The following OAS2 variants were observed in gnomAD, a reference collection of about 807,000 sequenced individuals.
OAS2 encodes the protein 2'-5'-oligoadenylate synthase 2.
OAS2 carries 67 observed loss-of-function variants against 71.3 expected under a neutral mutation model. The ratio of observed to expected loss-of-function variants is 0.94; its 90% confidence interval spans 0.77 to 1.15. The LOEUF is 1.15. Ranked by LOEUF, OAS2 falls within the 50% of genes most tolerant of loss-of-function variation. The probability of loss-of-function intolerance (pLI) is 0.00; values close to 1 mark genes in which losing one functional copy is unlikely to be tolerated. For missense variants in OAS2, 789 were observed against 822.5 expected, an observed-to-expected ratio of 0.96 and a Z score of 0.50; for synonymous variants, 327 against 321.8, an observed-to-expected ratio of 1.02 and a Z score of -0.17.
chr12:112,979,710 C>T (rs1325954147), intron 1 of OAS2, among the ~76,000 whole-genome samples: 1 of 152,136 alleles, frequency 6.6e-6, no homozygotes, highest in Non-Finnish European at 1.5e-5. Context: ...CTGTGTAACC[C>T]CCACCCAGAT....
Position 113,009,459 on chromosome 12 carries a change from C to T in OAS2, c.*204C>T, listed in dbSNP as rs1394288987. 7.4e-7 allele frequency: 1 copy of T among 1,355,470 alleles called. No homozygotes were observed. The highest frequency in any genetic ancestry group is 9.5e-7 in the Non-Finnish European group (1 of 1,054,770). The allele number at this position is 1,355,470 out of a possible 1,614,324, so 84.0% of individuals were successfully genotyped here. ...TCATGCACTGTAGGGTGCTGCGCAG[C>T]ATCCCTAGTCTCTACCCAGTAGATG... On this transcript the variant is annotated 3_prime_UTR_variant, in exon 10 of 10. Transcript: ENST00000392583.
intron 3 of OAS2, 133 bp from the exon 4 acceptor site, chr12:112,997,387 C>T: frequency 1.5e-6 from 1 of 663,600 alleles, no homozygotes; most frequent in Non-Finnish European, 2.5e-6. Context: ...TTGGTATTGT[C>T]AGTCCACTGA....
At chr12:112,987,992 T>C (rs2044156058) in intron 2 of OAS2, 1 of 985,308 alleles carries the variant, frequency 1.0e-6, no homozygotes, top group Non-Finnish European at 1.2e-6. Flanking sequence ...CTAGAGTGAC[T>C]CCATCTTAAA....
In OAS2 at chr12:113,011,042, C is replaced by G. The variant is rs1250201887; in HGVS notation, c.*1787C>G. The stretch of plus-strand genomic sequence containing the variant: ...GAGGCTGTTGTCTTTTCCTTCTGAG[C>G]CTGCCTTTCTCCCCCCCACCCAGGA... On this transcript the variant is annotated 3_prime_UTR_variant, in exon 10 of 10. Transcript: ENST00000392583. 1.4e-5 allele frequency: 1 copy of G among 70,516 alleles called. No homozygotes were observed. Among genetic ancestry groups the G allele is most frequent in the Non-Finnish European group, 2.3e-5 (1 of 43,400 alleles). 4.4% of individuals were successfully genotyped at this position (70,516 alleles called of 1,614,324 possible).
In OAS2 at chr12:113,005,181, A is replaced by C; in HGVS notation, c.1427A>C (p.Glu476Ala). Residue 476 changes from glutamate (E) to alanine (A), a missense_variant, in exon 7 of 10, where the codon GAA becomes GCA. Transcript: ENST00000392583. ...SFSLKSKVLN[E>A]SVSFDVLPAF... ...TCTCTGAAATCCAAAGTCCTCAACG[A>C]AAGTGTCAGCTTTGATGTGCTTCCT... 1 of 1,614,076 alleles carries C rather than the reference A, an allele frequency of 6.2e-7. No homozygotes were observed. Among genetic ancestry groups the C allele is most frequent in the Non-Finnish European group, 8.5e-7 (1 of 1,179,992 alleles).
At chr12:112,996,603 C>G (rs1224986933) in intron 3 of OAS2, among the ~76,000 whole-genome samples, 1 of 151,932 alleles carries the variant, frequency 6.6e-6, no homozygotes, top group African/African-American at 2.4e-5. Flanking sequence ...GGGAGCCAAG[C>G]AGGGAGAATT....
chr12:112,988,073 C>A (rs755632253), intron 2 of OAS2: 81 of 985,306 alleles, frequency 8.2e-5, no homozygotes, highest in Non-Finnish European at 9.8e-5. Context: ...ACAGTCTAAG[C>A]TGACCACCAA....
chr12:113,000,615 A>ACATGCACACATGCC (rs1280282287), intron 5 of OAS2, among the ~76,000 whole-genome samples: 1 of 151,192 alleles, frequency 6.6e-6, no homozygotes, highest in Non-Finnish European at 1.5e-5. Context: ...GCATACATGC[A>ACATGCACACATGCC]CTCACACACA....
At chr12:112,995,228 A>G in intron 2 of OAS2, 68 bp from the exon 3 acceptor site, 2 of 1,448,768 alleles carry the variant, frequency 1.4e-6, no homozygotes, top group Middle Eastern at 3.6e-4. Context: ...CCTTCATTGT[A>G]GAGCAACCCT....
Position 113,010,134 on chromosome 12 carries a change from C to G in OAS2, c.*879C>G, listed in dbSNP as rs532927798. The G allele has an allele frequency of 2.0e-5, 25 of 1,225,512 alleles. No homozygotes were observed. Among genetic ancestry groups the G allele is most frequent in the East Asian group, 1.2e-4 (3 of 24,992 alleles). The allele number at this position is 1,225,512 out of a possible 1,614,324, so 75.9% of individuals were successfully genotyped here. Reference sequence around the variant, plus strand: ...TGTGTCTTCTGCCCTAGGTGAGAACCCTTGCACTAGAGGAACCCTACACCC... The same window carrying G: ...TGTGTCTTCTGCCCTAGGTGAGAACGCTTGCACTAGAGGAACCCTACACCC... On this transcript the variant is annotated 3_prime_UTR_variant, in exon 10 of 10. Coordinates refer to ENST00000392583, the MANE Select transcript of OAS2 (RefSeq NM_002535.3).
intron 3 of OAS2, 148 bp from the exon 4 acceptor site, chr12:112,997,372 A>G (rs1565994286): frequency 1.6e-6 from 1 of 616,426 alleles, no homozygotes; most frequent in Non-Finnish European, 2.8e-6. Context: ...CATCTTTGTC[A>G]AGACTTGGTA....
Position 112,978,679 on chromosome 12 carries a change from T to C in OAS2, c.71T>C (p.Leu24Pro), listed in dbSNP as rs748641208. 3 of 1,614,164 alleles carry C rather than the reference T, an allele frequency of 1.9e-6. No individual in the cohort carries two copies. The African/African-American group carries it at 4.0e-5, about 22-fold the overall frequency. Residue 24 changes from leucine to proline, a missense_variant, in exon 1 of 10, where the codon CTG (leucine) becomes CCG (proline). Leu to Pro is a moderately conservative substitution (Grantham distance 98). Transcript: ENST00000392583. The surrounding 1 kb of genome is among the most constrained non-coding windows in gnomAD (Gnocchi z 4.2). ...CTGGGTTGGTTTATCCAGGAATACC[T>C]GAAGCCCTACGAAGAATGTCAGACA... ...QKLGWFIQEYLKPYEECQTLI... is the reference protein window; with the variant it reads ...QKLGWFIQEYPKPYEECQTLI...
At chr12:112,992,071 C>G (rs1204033764) in intron 2 of OAS2, among the ~76,000 whole-genome samples, 1 of 150,632 alleles carries the variant, frequency 6.6e-6, no homozygotes, top group Admixed American at 6.6e-5. Context: ...CACAAAGTCT[C>G]AAGTACAGGT....
chr12:113,010,075 T>A lies in OAS2; in HGVS notation c.*820T>A, dbSNP rs1001518081. 2.2e-5 allele frequency: 23 copies of A among 1,055,924 alleles called. No individual in the cohort carries two copies. The highest frequency in any genetic ancestry group is 2.2e-5 in the Non-Finnish European group (19 of 873,622). 65.4% of individuals were successfully genotyped at this position (1,055,924 alleles called of 1,614,324 possible). ...CCTGTACCCAGTAGATGCCACCCAG[T>A]TGTGACAATTAAAAGTGTCTTGAGA... On this transcript the variant is annotated 3_prime_UTR_variant, in exon 10 of 10. Transcript: ENST00000392583.
intron 2 of OAS2, among the ~76,000 whole-genome samples, chr12:112,992,235 A>C (rs1321329360): frequency 6.6e-6 from 1 of 152,068 alleles, no homozygotes; most frequent in Non-Finnish European, 1.5e-5. Context: ...TCTCTACAAA[A>C]GAATTAAAAA....
At chr12:112,998,232 C>T (rs1193430746) in intron 4 of OAS2, 34 bp from the exon 5 acceptor site, 2 of 1,600,056 alleles carry the variant, frequency 1.2e-6, no homozygotes, top group Non-Finnish European at 1.7e-6. Context: ...ACAAGCAGCT[C>T]AACTGACTTT....
At chr12:113,009,049 A>G in intron 9 of OAS2, 38 bp from the exon 10 acceptor site, 1 of 1,588,666 alleles carries the variant, frequency 6.3e-7, no homozygotes, top group Non-Finnish European at 8.5e-7. Context: ...AGTCACTGGG[A>G]TTTGGAATCT....
At chr12:112,986,198 G>A (rs71442750) in intron 1 of OAS2, among the ~76,000 whole-genome samples, 38,578 of 152,090 alleles carry the variant, frequency 0.25, 5,107 homozygotes, top group East Asian at 0.41. Context: ...CATCAGGCAG[G>A]TTGGTCTTCA....
chr12:112,984,760 T>A (rs1233388160), intron 1 of OAS2, among the ~76,000 whole-genome samples: 1 of 152,222 alleles, frequency 6.6e-6, no homozygotes, highest in Non-Finnish European at 1.5e-5. Context: ...TTTATACTTT[T>A]GTGTGTTTTC....
Sources: allele counts gnomAD v4.1 joint callset (sites outside exome capture counted in the v4.1 genomes callset), GRCh38; gene constraint gnomAD v4.1.1; non-coding constraint Gnocchi (gnomAD v3.1); transcripts MANE v1.5; gene names NCBI Gene and HGNC (gene_info 2026-07-23, HGNC 2026-07-21).